Variants in NR6A1 observed in about 807,000 individuals in gnomAD.
NR6A1 encodes nuclear receptor subfamily 6 group A member 1.
In NR6A1, 7 loss-of-function variants were observed where a neutral mutation model predicts 59.1. The ratio of observed to expected loss-of-function variants is 0.12; its 90% CI spans 0.07 to 0.22. NR6A1 has a LOEUF of 0.22. Ranked by LOEUF, NR6A1 falls within the 10% of genes least tolerant of loss-of-function variation. The pLI, the probability that NR6A1 is intolerant of heterozygous loss-of-function variation, is 1.00. For synonymous variants in NR6A1, 243 were observed against 236.1 expected, an observed-to-expected ratio of 1.03 and a Z score of -0.27; for missense variants, 468 against 611.6, an observed-to-expected ratio of 0.77 and a Z score of 2.48.
chr9:124,661,232 A>G (rs1411510876), intron 2 of NR6A1, among the ~76,000 whole-genome samples: 1 of 152,228 alleles, frequency 6.6e-6, no homozygotes, highest in Non-Finnish European at 1.5e-5. Flanking sequence ...TGGCTAAATC[A>G]GAAATTGCCT....
At chr9:124,576,242 T>C (rs1344533262) in intron 2 of NR6A1, among the ~76,000 whole-genome samples, 1 of 152,220 alleles carries the variant, frequency 6.6e-6, no homozygotes, top group Non-Finnish European at 1.5e-5. Context: ...TTATTTTTAC[T>C]GTAACTATGA....
chr9:124,698,386 G>A (rs1361620149), intron 2 of NR6A1: 1 of 152,164 alleles, frequency 6.6e-6, no homozygotes. Flanking sequence ...AAGGAAAGGC[G>A]AACTGTCCTG....
chr9:124,651,223 A>T (rs1837093391), intron 2 of NR6A1, among the ~76,000 whole-genome samples: 11 of 151,852 alleles, frequency 7.2e-5, no homozygotes. Flanking sequence ...TGCCTGGTTA[A>T]TTTTTGTATT....
intron 2 of NR6A1, among the ~76,000 whole-genome samples, chr9:124,576,445 G>A (rs558391776): frequency 5.9e-5 from 9 of 152,152 alleles, no homozygotes; most frequent in South Asian, 2.1e-4. Flanking sequence ...GTGCCACCAC[G>A]CCCAGCTAAT....
At position 124,518,717 on chromosome 9, in the gene NR6A1, GAGT is replaced by G. The variant is rs1176338268; in HGVS notation, c.*3985_*3987del. The G allele has an allele frequency of 6.6e-6, 1 of 151,772 alleles. No individual in the cohort carries two copies. Among genetic ancestry groups the G allele is most frequent in the Admixed American group, 6.6e-5 (1 of 15,258 alleles). The allele number at this position is 151,772 out of a possible 1,614,324, so 9.4% of individuals were successfully genotyped here. ...GGGGTAGGGGGAGGCAGGGGAGTAA[GAGT>G]AGCGGATTTTTTTGTTAAATTTTGT... On this transcript the variant is annotated 3_prime_UTR_variant, in exon 10 of 10. Transcript: ENST00000487099.
chr9:124,769,771 C>A (rs1026021944), intron 1 of NR6A1, among the ~76,000 whole-genome samples: 12 of 152,156 alleles, frequency 7.9e-5, no homozygotes, highest in African/African-American at 2.9e-4. Context: ...TCGGGTTTGC[C>A]GCCGGAGCGT....
At chr9:124,529,932 G>A (rs1564165344) in intron 7 of NR6A1, among the ~76,000 whole-genome samples, 1 of 152,202 alleles carries the variant, frequency 6.6e-6, no homozygotes, top group Middle Eastern at 3.4e-3. Context: ...AATGGGGTAG[G>A]GCACAAAAAA....
intron 2 of NR6A1, among the ~76,000 whole-genome samples, chr9:124,567,887 A>G (rs924744433): frequency 2.0e-5 from 3 of 149,138 alleles, no homozygotes; most frequent in African/African-American, 7.4e-5. Flanking sequence ...TTTAAAAAAG[A>G]GAAACAGGCT....
At chr9:124,703,937 T>C (rs911655985) in intron 2 of NR6A1, among the ~76,000 whole-genome samples, 1 of 152,178 alleles carries the variant, frequency 6.6e-6, no homozygotes, top group African/African-American at 2.4e-5. Context: ...AAGGTGTTCA[T>C]CACCAAGTAA....
chr9:124,761,593 G>A (rs1191562264), intron 1 of NR6A1, among the ~76,000 whole-genome samples: 2 of 152,136 alleles, frequency 1.3e-5, no homozygotes, highest in East Asian at 3.9e-4. Context: ...TACCATCTCA[G>A]TGAAAACCAG....
chr9:124,662,323 G>C (rs1837464674), intron 2 of NR6A1, among the ~76,000 whole-genome samples: 1 of 152,124 alleles, frequency 6.6e-6, no homozygotes, highest in South Asian at 2.1e-4. Context: ...CAAAAAACCA[G>C]GACCTAGAAG....
chr9:124,681,130 G>A (rs1838141206), intron 2 of NR6A1, among the ~76,000 whole-genome samples: 1 of 152,130 alleles, frequency 6.6e-6, no homozygotes, highest in African/African-American at 2.4e-5. Flanking sequence ...CTGCACAGTG[G>A]CTGCTTCAAG....
intron 2 of NR6A1, among the ~76,000 whole-genome samples, chr9:124,697,482 G>A (rs1838803845): frequency 6.6e-6 from 1 of 152,104 alleles, no homozygotes; most frequent in Non-Finnish European, 1.5e-5. Flanking sequence ...TTGAGGAAGT[G>A]ATGTATAAGT....
chr9:124,605,594 C>CAA (rs960502876), intron 2 of NR6A1, among the ~76,000 whole-genome samples: 16 of 152,196 alleles, frequency 1.1e-4, no homozygotes, highest in Admixed American at 7.9e-4. Flanking sequence ...AAAACAAAAA[C>CAA]AAAAGAACAC....
chr9:124,696,676 C>T (rs941485189), intron 2 of NR6A1, among the ~76,000 whole-genome samples: 1 of 151,996 alleles, frequency 6.6e-6, no homozygotes, highest in African/African-American at 2.4e-5. Flanking sequence ...GCACTCACCA[C>T]CACGCCTGGC....
chr9:124,544,642 G>A (rs1833546018), intron 3 of NR6A1, among the ~76,000 whole-genome samples: 1 of 152,178 alleles, frequency 6.6e-6, no homozygotes, highest in South Asian at 2.1e-4. Flanking sequence ...TACAAAAAAA[G>A]CAAGCTGAAG....
At chr9:124,687,504 C>T (rs1401258218) in intron 2 of NR6A1, among the ~76,000 whole-genome samples, 1 of 152,092 alleles carries the variant, frequency 6.6e-6, no homozygotes, top group Admixed American at 6.5e-5. Context: ...TTCCAAGCTA[C>T]TGAGTTTAAA....
At chr9:124,607,384 C>G (rs1351600263) in intron 2 of NR6A1, 1 of 152,194 alleles carries the variant, frequency 6.6e-6, no homozygotes, top group Non-Finnish European at 1.5e-5. Flanking sequence ...AACTCCCATA[C>G]TGATCAGAAG....
intron 2 of NR6A1, chr9:124,698,634 A>G (rs983482412): frequency 3.9e-5 from 6 of 152,186 alleles, no homozygotes; most frequent in African/African-American, 1.4e-4. Flanking sequence ...TAATCAAATG[A>G]ATTTTTAACT....
Sources: gnomAD v4.1 joint callset for allele counts (sites outside exome capture counted in the v4.1 genomes callset) on GRCh38, gnomAD v4.1.1 for gene constraint, MANE v1.5 for transcripts, NCBI Gene and HGNC (gene_info 2026-07-23, HGNC 2026-07-21) for gene names.